Variants in ESR1 observed in about 807,000 individuals in gnomAD.
The protein encoded by ESR1 is estrogen receptor.
A neutral mutation model predicts 52.7 loss-of-function variants in ESR1; 12 were observed. The observed-to-expected ratio is 0.23, with a 90% CI of 0.15 to 0.37. The LOEUF (loss-of-function observed/expected upper bound fraction) is 0.37. Ranked by LOEUF, ESR1 falls within the 10% of genes least tolerant of loss-of-function variation. ESR1 has a pLI of 1.00. For synonymous variants in ESR1, 305 were observed against 316.8 expected (o/e 0.96, Z 0.39); for missense variants, 584 against 779.7 (o/e 0.75, Z 2.99).
intron 3 of ESR1, among the ~76,000 whole-genome samples, chr6:151,925,607 C>T (rs1024882120): frequency 3.9e-5 from 6 of 152,142 alleles, no homozygotes; most frequent in African/African-American, 1.2e-4. Context: ...AACTCCATCT[C>T]AAAATACATA....
intron 1 of ESR1, among the ~76,000 whole-genome samples, chr6:151,841,442 T>A (rs568614121): frequency 6.6e-6 from 1 of 152,208 alleles, no homozygotes; most frequent in Non-Finnish European, 1.5e-5. Context: ...CAGTCTTTGC[T>A]TTGTTGGACT....
At chr6:152,069,132 A>C (rs1462615615) in intron 6 of ESR1, among the ~76,000 whole-genome samples, 1 of 136,772 alleles carries the variant, frequency 7.3e-6, no homozygotes, top group Admixed American at 6.8e-5. Flanking sequence ...AGAGTTTAAT[A>C]ATTGTGTGGC....
At position 152,098,648 on chromosome 6, in the gene ESR1, C is replaced by T. The variant is rs2050830501; in HGVS notation, c.1554-84C>T. On this transcript the variant is annotated intron_variant, in intron 7 of 7. Transcript: ENST00000206249. This position sits in a 1 kb window ranked among gnomAD's most constrained non-coding sequence, Gnocchi z 5.1. The stretch of plus-strand genomic sequence containing the variant: ...ATTGCTAAGTGTCTTTGGAGTTCCT[C>T]TTCCTTCCCCTTCTAGGGATTTCAG... The T allele has an allele frequency of 9.1e-7, 1 of 1,102,340 alleles. No individual in the cohort carries two copies. Among genetic ancestry groups the T allele is most frequent in the Admixed American group, 1.9e-5 (1 of 51,568 alleles). The allele number at this position is 1,102,340 out of a possible 1,614,324, so 68.3% of individuals were successfully genotyped here. A position where few individuals can be genotyped will look rare whatever the true frequency, so the allele number is the denominator to read the frequency against.
intron 2 of ESR1, among the ~76,000 whole-genome samples, chr6:151,712,383 C>G (rs1780687107): frequency 6.6e-6 from 1 of 152,100 alleles, no homozygotes; most frequent in Non-Finnish European, 1.5e-5. Context: ...TGAAGAAAGT[C>G]AATGGTAGCC....
chr6:151,835,538 C>A (rs902882897), intron 1 of ESR1, among the ~76,000 whole-genome samples: 1 of 152,150 alleles, frequency 6.6e-6, no homozygotes, highest in African/African-American at 2.4e-5. Flanking sequence ...GAAGGTGTTA[C>A]GTATCTAAGA....
chr6:151,894,506 T>C (rs1795169539), intron 3 of ESR1, among the ~76,000 whole-genome samples: 1 of 152,214 alleles, frequency 6.6e-6, no homozygotes, highest in Admixed American at 6.5e-5. Context: ...ACTTCTAGAA[T>C]TTTATGGTTC....
chr6:151,928,252 A>C (rs2033061717), intron 3 of ESR1, among the ~76,000 whole-genome samples: 1 of 152,174 alleles, frequency 6.6e-6, no homozygotes, highest in African/African-American at 2.4e-5. Flanking sequence ...CTAACCTACC[A>C]AACATTATCG....
chr6:152,039,079 G>A (rs2045569911), intron 5 of ESR1, among the ~76,000 whole-genome samples: 1 of 152,212 alleles, frequency 6.6e-6, no homozygotes, highest in Non-Finnish European at 1.5e-5. Context: ...ACAGTAACCT[G>A]GTTGCTGCAA....
chr6:151,757,525 G>A (rs1160558817), intron 2 of ESR1, among the ~76,000 whole-genome samples: 1 of 152,196 alleles, frequency 6.6e-6, no homozygotes, highest in Non-Finnish European at 1.5e-5. Context: ...AGCAGACTGA[G>A]CTGGAGCTGG....
Position 151,735,009 on chromosome 6 carries a change from T to C in ESR1, c.-71+33004T>C, listed in dbSNP as rs76973637. ...TTGGACTCATTATGACTTTGTTAAGTCATTTTGATTTTATTAAAATCAAAC... is the reference window on the plus strand; with the variant it reads ...TTGGACTCATTATGACTTTGTTAAGCCATTTTGATTTTATTAAAATCAAAC... On this transcript the variant is annotated intron_variant, in intron 2 of 2. Transcript: ENST00000404742. Among the ~76,000 whole-genome samples the C allele has an allele frequency of 2.9e-3, 435 of 152,324 alleles. 5 individuals are homozygous for C. Among genetic ancestry groups the C allele is most frequent in the East Asian group, 0.018 (91 of 5,184 alleles).
At chr6:151,716,903 G>T (rs1462098791) in intron 2 of ESR1, among the ~76,000 whole-genome samples, 1 of 152,192 alleles carries the variant, frequency 6.6e-6, no homozygotes, top group South Asian at 2.1e-4. Flanking sequence ...CCTGTAGCTA[G>T]TTCGGTGTCT....
intron 1 of ESR1, among the ~76,000 whole-genome samples, chr6:151,841,518 T>A (rs1352917224): frequency 6.6e-6 from 1 of 152,194 alleles, no homozygotes; most frequent in Non-Finnish European, 1.5e-5. Context: ...GCATTTTACT[T>A]CCTTATTTTC....
chr6:151,944,130 G>T, intron 3 of ESR1, 43 bp from the exon 4 acceptor site: 1 of 1,553,900 alleles, frequency 6.4e-7, no homozygotes. Flanking sequence ...AAGTTTACAC[G>T]GGAAAAAAAT....
chr6:151,694,968 G>A (rs550257564), intron 1 of ESR1, among the ~76,000 whole-genome samples: 2 of 152,324 alleles, frequency 1.3e-5, no homozygotes, highest in South Asian at 4.2e-4. Context: ...GGGTGGAAGT[G>A]TGGGTGGGGA....
chr6:152,042,783 G>A (rs2045915433), intron 5 of ESR1, among the ~76,000 whole-genome samples: 1 of 139,900 alleles, frequency 7.1e-6, no homozygotes, highest in Admixed American at 7.0e-5. Flanking sequence ...GGAACACTGA[G>A]ATTAAGTAGC....
chr6:152,050,402 T>A (rs1294047520), intron 5 of ESR1, among the ~76,000 whole-genome samples: 2 of 152,194 alleles, frequency 1.3e-5, no homozygotes, highest in African/African-American at 4.8e-5. Context: ...GGTTTTTACC[T>A]CCATTTTTTC....
chr6:151,928,632 C>T (rs78785546), intron 3 of ESR1, among the ~76,000 whole-genome samples: 5,290 of 151,458 alleles, frequency 0.035, 288 homozygotes, highest in African/African-American at 0.12. Context: ...TCTCTAGTTT[C>T]CTTAGGTGGT....
At chr6:151,846,109 AG>A (rs1397764814) in intron 2 of ESR1, among the ~76,000 whole-genome samples, 1 of 152,182 alleles carries the variant, frequency 6.6e-6, no homozygotes, top group Admixed American at 6.5e-5. Context: ...GGGTGAGTCA[AG>A]GGAGCATGGT....
chr6:151,851,510 G>A (rs1399491413), intron 2 of ESR1, among the ~76,000 whole-genome samples: 4 of 146,552 alleles, frequency 2.7e-5, no homozygotes, highest in Non-Finnish European at 5.9e-5. Flanking sequence ...TTTTCAACAT[G>A]GGAGAGGTAT....
Sources: allele counts gnomAD v4.1 joint callset (sites outside exome capture counted in the v4.1 genomes callset), GRCh38; gene constraint gnomAD v4.1.1; non-coding constraint Gnocchi (gnomAD v3.1); transcripts MANE v1.5; gene names NCBI Gene and HGNC (gene_info 2026-07-23, HGNC 2026-07-21).